SNTG1: variants seen among roughly 807,000 people sequenced by gnomAD.
SNTG1 encodes syntrophin gamma 1.
In SNTG1, 39 loss-of-function variants were observed where a neutral mutation model predicts 74.7. That is an observed-to-expected ratio of 0.52 (90% confidence interval 0.40 to 0.68). The LOEUF (loss-of-function observed/expected upper bound fraction) is 0.68. Ranked by LOEUF, SNTG1 falls within the 30% of genes least tolerant of loss-of-function variation. The pLI is 0.00. For synonymous variants in SNTG1, 254 were observed against 217.1 expected (o/e 1.17, Z -1.49); for missense variants, 685 against 609.5 (o/e 1.12, Z -1.30).
chr8:50,176,283 G>T (rs2082997703), intron 2 of SNTG1, among the ~76,000 whole-genome samples: 1 of 152,100 alleles, frequency 6.6e-6, no homozygotes, highest in South Asian at 2.1e-4. Flanking sequence ...CAGAATCATT[G>T]TTCAAGCTCC....
intron 2 of SNTG1, among the ~76,000 whole-genome samples, chr8:50,370,729 C>T (rs1394210660): frequency 6.6e-6 from 1 of 152,034 alleles, no homozygotes; most frequent in Non-Finnish European, 1.5e-5. Context: ...ATAACTAGAC[C>T]CAAGTCCCAG....
chr8:50,610,412 C>T (rs2094841887), intron 13 of SNTG1, among the ~76,000 whole-genome samples: 1 of 152,114 alleles, frequency 6.6e-6, no homozygotes, highest in Non-Finnish European at 1.5e-5. Flanking sequence ...TTTGGGGGCT[C>T]TTTTCTCTGC....
chr8:50,541,893 C>T (rs1203993385), intron 11 of SNTG1, among the ~76,000 whole-genome samples: 1 of 151,786 alleles, frequency 6.6e-6, no homozygotes, highest in Non-Finnish European at 1.5e-5. Context: ...TTAGCTCCCA[C>T]TTAAATATGA....
intron 2 of SNTG1, among the ~76,000 whole-genome samples, chr8:50,202,795 G>GTT (rs60509732): frequency 2.0e-4 from 26 of 133,254 alleles, no homozygotes; most frequent in African/African-American, 6.5e-4. Flanking sequence ...TCTTTGTTTT[G>GTT]TTTTTTTTTT....
Position 50,618,644 on chromosome 8 carries a change from G to A in SNTG1, c.849+27727G>A, listed in dbSNP as rs536652522. On this transcript the variant is annotated intron_variant, in intron 13 of 18. Transcript: ENST00000642720. ...GACTGTATTCTCATCTGGAGGCTCCGCTGTGGAAGAATTTGCATCCTTGCC... is the reference window on the plus strand; with the variant it reads ...GACTGTATTCTCATCTGGAGGCTCCACTGTGGAAGAATTTGCATCCTTGCC... 9.9e-5 allele frequency among the ~76,000 whole-genome samples: 15 copies of A among 152,248 alleles called. No homozygotes were observed. In the East Asian group the frequency reaches 2.3e-3, roughly 24 times the overall value.
chr8:50,624,965 T>A (rs1206965897), intron 13 of SNTG1, among the ~76,000 whole-genome samples: 1 of 152,166 alleles, frequency 6.6e-6, no homozygotes, highest in Non-Finnish European at 1.5e-5. Context: ...ACTCAATTTA[T>A]TTTCCTGTTT....
intron 8 of SNTG1, among the ~76,000 whole-genome samples, chr8:50,470,674 G>T (rs551100138): frequency 1.3e-5 from 2 of 152,272 alleles, no homozygotes; most frequent in Admixed American, 1.3e-4. Flanking sequence ...ATTCATCCTG[G>T]TGGGTTCGTG....
chr8:49,944,890 C>A (rs554615583), intron 1 of SNTG1, among the ~76,000 whole-genome samples: 1 of 151,922 alleles, frequency 6.6e-6, no homozygotes, highest in Non-Finnish European at 1.5e-5. Flanking sequence ...CGGGCTCAAG[C>A]GATTCTCTTG....
chr8:50,298,325 T>C (rs2089486262), intron 2 of SNTG1, among the ~76,000 whole-genome samples: 1 of 152,158 alleles, frequency 6.6e-6, no homozygotes, highest in African/African-American at 2.4e-5. Context: ...ACTATTTGGC[T>C]TCTGGAGAGT....
At chr8:49,944,125 C>T (rs1227069260) in intron 1 of SNTG1, among the ~76,000 whole-genome samples, 1 of 151,978 alleles carries the variant, frequency 6.6e-6, no homozygotes, top group Non-Finnish European at 1.5e-5. Flanking sequence ...TGTTGTGTAC[C>T]TCTTGATTCT....
intron 3 of SNTG1, among the ~76,000 whole-genome samples, chr8:50,397,730 G>C (rs1438868653): frequency 6.6e-6 from 1 of 152,170 alleles, no homozygotes; most frequent in African/African-American, 2.4e-5. Flanking sequence ...CCATGTCATT[G>C]TATACAGGAC....
intron 1 of SNTG1, among the ~76,000 whole-genome samples, chr8:50,129,826 G>A (rs1409213850): frequency 2.6e-5 from 4 of 151,984 alleles, no homozygotes; most frequent in African/African-American, 7.2e-5. Flanking sequence ...TGTTGTTGTT[G>A]AGGATCTTGC....
intron 13 of SNTG1, among the ~76,000 whole-genome samples, chr8:50,610,562 C>T (rs1278736494): frequency 1.3e-5 from 2 of 152,144 alleles, no homozygotes; most frequent in African/African-American, 2.4e-5. Flanking sequence ...CTGCACTGTA[C>T]CAAACTGTGA....
chr8:50,322,345 A>G (rs933897178), intron 2 of SNTG1, among the ~76,000 whole-genome samples: 4 of 152,158 alleles, frequency 2.6e-5, no homozygotes, highest in Non-Finnish European at 5.9e-5. Context: ...CACTTTAAGT[A>G]TACCATGTCA....
At chr8:50,783,603 C>T (rs557530000) in intron 18 of SNTG1, among the ~76,000 whole-genome samples, 23 of 152,312 alleles carry the variant, frequency 1.5e-4, no homozygotes, top group African/African-American at 5.5e-4. Flanking sequence ...CATCTGTCAC[C>T]CCTTTCTTTG....
chr8:50,061,682 A>G (rs965213674), intron 1 of SNTG1, among the ~76,000 whole-genome samples: 2 of 152,026 alleles, frequency 1.3e-5, no homozygotes, highest in Non-Finnish European at 2.9e-5. Context: ...TTAATATTCT[A>G]TATCTTCATA....
intron 13 of SNTG1, among the ~76,000 whole-genome samples, chr8:50,641,440 C>G (rs900448275): frequency 6.6e-6 from 1 of 152,224 alleles, no homozygotes; most frequent in South Asian, 2.1e-4. Context: ...GTTGCTCACT[C>G]AAGCACATTG....
At chr8:50,046,180 A>T (rs1379879966) in intron 1 of SNTG1, among the ~76,000 whole-genome samples, 1 of 152,194 alleles carries the variant, frequency 6.6e-6, no homozygotes, top group Non-Finnish European at 1.5e-5. Flanking sequence ...CAACCTTTAA[A>T]TATGTAAAGG....
chr8:50,305,300 C>T (rs915536497), intron 2 of SNTG1, among the ~76,000 whole-genome samples: 11 of 151,962 alleles, frequency 7.2e-5, no homozygotes, highest in African/African-American at 2.4e-4. Flanking sequence ...GTCTAATTTT[C>T]TTTCTCTTAT....
Sources: gnomAD v4.1 joint callset for allele counts (sites outside exome capture counted in the v4.1 genomes callset) on GRCh38, gnomAD v4.1.1 for gene constraint, MANE v1.5 for transcripts, NCBI Gene and HGNC (gene_info 2026-07-23, HGNC 2026-07-21) for gene names.